MYPN: variants seen among roughly 807,000 people sequenced by gnomAD.
The protein encoded by MYPN is myopalladin, also known as sarcomeric protein myopalladin, 145 kDa (MYOP).
MYPN carries 63 observed loss-of-function variants against 129.4 expected under a neutral mutation model. The observed-to-expected ratio is 0.49, with a 90% CI of 0.40 to 0.60. The LOEUF is 0.60. Ranked by LOEUF, MYPN falls within the 20% of genes least tolerant of loss-of-function variation. The pLI, the probability that MYPN is intolerant of heterozygous loss-of-function variation, is 0.00. For synonymous variants in MYPN, 629 were observed against 600.9 expected (o/e 1.05, Z -0.68); for missense variants, 1,596 against 1,635.4 (o/e 0.98, Z 0.42).
Position 68,166,169 on chromosome 10 carries a change from T to C in MYPN, c.1601-125T>C, listed in dbSNP as rs749073251. 8.2e-6 allele frequency: 9 copies of C among 1,101,698 alleles called. No homozygotes were observed. The African/African-American group carries it at 1.2e-4, about 15-fold the overall frequency. The allele number at this position is 1,101,698 out of a possible 1,614,324, so 68.2% of individuals were successfully genotyped here. ...CCATTCTTTAATGCCCAGATGATGATCTGTTTTTGACAAGCATTTTCCCAT... is the reference window on the plus strand; with the variant it reads ...CCATTCTTTAATGCCCAGATGATGACCTGTTTTTGACAAGCATTTTCCCAT... On this transcript the variant is annotated intron_variant, in intron 9 of 19. Transcript: ENST00000358913.
intron 6 of MYPN, among the ~76,000 whole-genome samples, chr10:68,152,306 G>A (rs1262176918): frequency 1.3e-5 from 2 of 152,066 alleles, no homozygotes; most frequent in African/African-American, 4.8e-5. Context: ...AATGAGGCAT[G>A]TCCCCTTCCC....
chr10:68,173,565 A>G (rs1053706882), intron 10 of MYPN, among the ~76,000 whole-genome samples: 1 of 150,742 alleles, frequency 6.6e-6, no homozygotes, highest in Non-Finnish European at 1.5e-5. Context: ...CTTTATCAAC[A>G]TCAAGTTATT....
rs2043198692 is a variant in MYPN, at chr10:68,174,633, G to A, written c.2541G>A (p.Gly847=). 6.2e-7 allele frequency: 1 copy of A among 1,614,016 alleles called. No individual in the cohort carries two copies. The change falls in exon 11 of 20, where the codon GGG becomes GGA. Residue 847 remains glycine, a synonymous_variant. Transcript: ENST00000358913. ...CCATCCCACCCACAAATGCCATGGG[G>A]CTGCCTAGAAGTGCACCATCCATGT... ...LPAIPPTNAM[G]LPRSAPSMPS... is the part of the protein sequence containing the mutation.
intron 1 of MYPN, among the ~76,000 whole-genome samples, chr10:68,113,856 T>TA (rs2042115545): frequency 6.6e-6 from 1 of 152,210 alleles, no homozygotes; most frequent in South Asian, 2.1e-4. Context: ...AGCTAATTAA[T>TA]ATATCCATAG....
Position 68,204,459 on chromosome 10 carries a change from C to T in MYPN, c.3660-2311C>T, listed in dbSNP as rs1385206773. Among the ~76,000 whole-genome samples, 3 of 152,064 alleles carry T rather than the reference C, an allele frequency of 2.0e-5. No homozygotes were observed. In the East Asian group the frequency reaches 5.8e-4, roughly 29 times the overall value. Reference sequence around the variant, plus strand: ...CAAACTGACCGGGCGCAGTGGCTTACGCCTGTAATCCCAGCACTTTGGGAG... The same window carrying T: ...CAAACTGACCGGGCGCAGTGGCTTATGCCTGTAATCCCAGCACTTTGGGAG... On this transcript the variant is annotated intron_variant, in intron 18 of 19. Coordinates refer to ENST00000358913, the MANE Select transcript of MYPN (RefSeq NM_032578.4).
intron 1 of MYPN, among the ~76,000 whole-genome samples, chr10:68,095,781 G>C (rs1219145642): frequency 6.6e-6 from 1 of 151,802 alleles, no homozygotes; most frequent in African/African-American, 2.4e-5. Flanking sequence ...GGGGGTTATT[G>C]TTTAATGGAT....
chr10:68,210,388 C>T lies in MYPN; in HGVS notation c.3896C>T (p.Ser1299Phe), dbSNP rs748628394. 7 of 1,614,064 alleles carry T rather than the reference C, an allele frequency of 4.3e-6. No homozygotes were observed. The highest frequency in any genetic ancestry group is 5.1e-6 in the Non-Finnish European group (6 of 1,180,040). ...GGACTTGACATATTTTCTGCCTTTTCCTCCATGGAAAGCACGATGGTGTAT... is the reference window on the plus strand; with the variant it reads ...GGACTTGACATATTTTCTGCCTTTTTCTCCATGGAAAGCACGATGGTGTAT... The part of the protein sequence containing the change: ...SKGLDIFSAF[S>F]SMESTMVYSC... Residue 1299 changes from serine (S) to phenylalanine (F), a missense_variant, in exon 20 of 20, where the codon TCC becomes TTC. Physicochemically the swap from Ser to Phe is radical, Grantham distance 155 (BLOSUM62 -2). Coordinates refer to ENST00000358913, the MANE Select transcript of MYPN (RefSeq NM_032578.4).
intron 2 of MYPN, chr10:68,136,597 T>A: frequency 1.3e-6 from 2 of 1,504,368 alleles, no homozygotes; most frequent in East Asian, 2.5e-5. Context: ...ATTGTTTTTT[T>A]AGGCCTGCTG....
chr10:68,136,814 A>G, intron 2 of MYPN: 1 of 1,372,238 alleles, frequency 7.3e-7, no homozygotes, highest in South Asian at 1.3e-5. Context: ...TGAAATAGCT[A>G]TTGATATTTG....
At chr10:68,097,785 A>T (rs1316677106) in intron 1 of MYPN, among the ~76,000 whole-genome samples, 2 of 152,306 alleles carry the variant, frequency 1.3e-5, no homozygotes, top group African/African-American at 4.8e-5. Context: ...TTTAAAAAAA[A>T]AAAAATCCGT....
At chr10:68,170,753 G>A (rs1205495431) in intron 10 of MYPN, among the ~76,000 whole-genome samples, 3 of 152,098 alleles carry the variant, frequency 2.0e-5, no homozygotes, top group African/African-American at 7.2e-5. Context: ...AAAATGTGGA[G>A]CTTTTAAAAA....
intron 12 of MYPN, among the ~76,000 whole-genome samples, chr10:68,179,766 T>A (rs1389257239): frequency 6.6e-6 from 1 of 151,872 alleles, no homozygotes; most frequent in African/African-American, 2.4e-5. Flanking sequence ...GCTCAAGTGA[T>A]CCTCCCACCT....
intron 16 of MYPN, among the ~76,000 whole-genome samples, chr10:68,198,199 T>C (rs1271140905): frequency 6.6e-6 from 1 of 152,176 alleles, no homozygotes; most frequent in Non-Finnish European, 1.5e-5. Context: ...GGAAGGCCTT[T>C]ATTACTATAA....
chr10:68,121,597 A>G lies in MYPN; in HGVS notation c.159A>G (p.Gly53=). Residue 53 remains glycine, a synonymous_variant, in exon 2 of 20, where the codon GGA becomes GGG. Transcript: ENST00000358913. ...HFGSPSGAAE[G]GGGQDDLPDL... ...GCAGTCCTTCTGGGGCCGCTGAAGG[A>G]GGCGGAGGCCAAGATGACCTTCCAG... 1 of 1,614,230 alleles carries G rather than the reference A, an allele frequency of 6.2e-7. No individual in the cohort carries two copies. The highest frequency in any genetic ancestry group is 8.5e-7 in the Non-Finnish European group (1 of 1,180,046).
intron 2 of MYPN, among the ~76,000 whole-genome samples, chr10:68,124,896 T>C (rs1202032281): frequency 6.6e-6 from 1 of 152,204 alleles, no homozygotes; most frequent in African/African-American, 2.4e-5. Context: ...TTGGTAATGC[T>C]AGTGAGATGT....
At chr10:68,153,035 G>T (rs1369727461) in intron 6 of MYPN, among the ~76,000 whole-genome samples, 11 of 151,068 alleles carry the variant, frequency 7.3e-5, no homozygotes, top group Admixed American at 7.3e-4. Flanking sequence ...ACCCAAGCTG[G>T]AGTGCAGTGG....
intron 10 of MYPN, among the ~76,000 whole-genome samples, chr10:68,169,455 G>C (rs1057114753): frequency 6.6e-6 from 1 of 151,940 alleles, no homozygotes; most frequent in African/African-American, 2.4e-5. Flanking sequence ...CCTCAGGTAC[G>C]TCGGTTAGGA....
chr10:68,176,851 C>A (rs936684504), intron 12 of MYPN, among the ~76,000 whole-genome samples: 1 of 152,196 alleles, frequency 6.6e-6, no homozygotes, highest in African/African-American at 2.4e-5. Context: ...TTCCCTGAAA[C>A]GCTGCAGTGT....
chr10:68,089,537 G>A (rs570733839), intron 1 of MYPN, among the ~76,000 whole-genome samples: 9 of 152,094 alleles, frequency 5.9e-5, no homozygotes. Context: ...AGTAGAGATG[G>A]GGTTTCACCG....
Sources: allele counts gnomAD v4.1 joint callset (sites outside exome capture counted in the v4.1 genomes callset), GRCh38; gene constraint gnomAD v4.1.1; transcripts MANE v1.5; gene names NCBI Gene and HGNC (gene_info 2026-07-23, HGNC 2026-07-21).